The following SPRED1 variants were observed in gnomAD, a reference collection of about 807,000 sequenced individuals.
SPRED1 encodes sprouty related EVH1 domain containing 1.
SPRED1 carries 18 observed loss-of-function variants against 52.3 expected under a neutral mutation model. The ratio of observed to expected loss-of-function variants is 0.34; its 90% CI spans 0.24 to 0.51. SPRED1 has a LOEUF of 0.51. Ranked by LOEUF, SPRED1 falls within the 20% of genes least tolerant of loss-of-function variation. The probability of loss-of-function intolerance (pLI) is 0.97; values close to 1 mark genes in which losing one functional copy is unlikely to be tolerated. For synonymous variants in SPRED1, 155 were observed against 179.7 expected (o/e 0.86, Z 1.10); for missense variants, 485 against 551.0 (o/e 0.88, Z 1.20).
intron 2 of SPRED1, among the ~76,000 whole-genome samples, chr15:38,304,928 A>G (rs1334240412): frequency 6.6e-6 from 1 of 152,078 alleles, no homozygotes; most frequent in African/African-American, 2.4e-5. Flanking sequence ...CAATCTCTCA[A>G]ACAACCCTTT....
At chr15:38,309,315 A>G (rs1419466755) in intron 2 of SPRED1, among the ~76,000 whole-genome samples, 1 of 151,928 alleles carries the variant, frequency 6.6e-6, no homozygotes, top group Non-Finnish European at 1.5e-5. Flanking sequence ...TAATTTTTGT[A>G]TTTTTACTAG....
At chr15:38,266,121 CTG>C (rs1894302040) in intron 1 of SPRED1, among the ~76,000 whole-genome samples, 1 of 152,136 alleles carries the variant, frequency 6.6e-6, no homozygotes, top group South Asian at 2.1e-4. Flanking sequence ...TCTGAAAAAA[CTG>C]TATAATTTGT....
intron 1 of SPRED1, among the ~76,000 whole-genome samples, chr15:38,278,359 T>G (rs1252431532): frequency 6.6e-6 from 1 of 152,180 alleles, no homozygotes; most frequent in Admixed American, 6.5e-5. Context: ...GGTGCGAGCC[T>G]ATAGTCTCAG....
rs754449926 is a variant in SPRED1 at position 38,350,009 on chromosome 15, A to G, written c.684+486A>G. On this transcript the variant is annotated intron_variant, in intron 6 of 6. Transcript: ENST00000299084. Reference sequence around the variant, plus strand: ...TTTGTTCTTTGGCCTCAAAGAACCAACCTTCCCAGAAGGGTTGTGGAAGTA... The same window carrying G: ...TTTGTTCTTTGGCCTCAAAGAACCAGCCTTCCCAGAAGGGTTGTGGAAGTA... Among the ~76,000 whole-genome samples, 7 of 152,192 alleles carry G rather than the reference A, an allele frequency of 4.6e-5. No individual in the cohort carries two copies. In the East Asian group the frequency reaches 1.3e-3, roughly 29 times the overall value.
At chr15:38,266,471 C>T (rs1275096218) in intron 1 of SPRED1, among the ~76,000 whole-genome samples, 2 of 152,018 alleles carry the variant, frequency 1.3e-5, no homozygotes, top group Non-Finnish European at 2.9e-5. Flanking sequence ...AAAACCCTTT[C>T]TCTACTAAAA....
chr15:38,296,773 G>A (rs1400436808), intron 1 of SPRED1, among the ~76,000 whole-genome samples: 1 of 152,146 alleles, frequency 6.6e-6, no homozygotes, highest in Non-Finnish European at 1.5e-5. Context: ...AGTAGTTGCT[G>A]TGGATTTAAT....
At position 38,340,995 on chromosome 15, in the gene SPRED1, AT is replaced by A. The variant is rs36150872; in HGVS notation, c.582+1118del. Reference sequence around the variant, plus strand: ...CCTTAGTGAAGCCACCTGGGCCTGGATTTTTTTTTTTTTTTTTTAGATGGTT... The same window carrying A: ...CCTTAGTGAAGCCACCTGGGCCTGGATTTTTTTTTTTTTTTTTAGATGGTT... On this transcript the variant is annotated intron_variant, in intron 5 of 6. Transcript: ENST00000299084. Among the ~76,000 whole-genome samples the A allele has an allele frequency of 9.6e-4, 123 of 128,286 alleles. 1 individual carries two copies. Among genetic ancestry groups the A allele is most frequent in the African/African-American group, 3.2e-3 (113 of 35,324 alleles). 84.2% of individuals were successfully genotyped at this position (128,286 alleles called of 152,430 possible).
rs1216339144 is a variant in SPRED1 at position 38,353,466 on chromosome 15, A to G, written c.*1802A>G. 2.0e-5 allele frequency: 3 copies of G among 152,546 alleles called. No individual in the cohort carries two copies. Among genetic ancestry groups the G allele is most frequent in the Non-Finnish European group, 4.4e-5 (3 of 67,964 alleles). The allele number at this position is 152,546 out of a possible 1,614,324, so 9.4% of individuals were successfully genotyped here. A position where few individuals can be genotyped will look rare whatever the true frequency, so the allele number is the denominator to read the frequency against. On this transcript the variant is annotated 3_prime_UTR_variant, in exon 7 of 7. Coordinates refer to ENST00000299084, the MANE Select transcript of SPRED1 (RefSeq NM_152594.3). ...ATATTGATAACTATAGATGTTATGA[A>G]GAAGAGGGTATTTCTAGTTTTGTAC...
At chr15:38,314,793 A>C (rs935752683) in intron 2 of SPRED1, among the ~76,000 whole-genome samples, 1 of 151,912 alleles carries the variant, frequency 6.6e-6, no homozygotes, top group African/African-American at 2.4e-5. Flanking sequence ...TGTTAAAATA[A>C]AGTGCCATAA....
intron 1 of SPRED1, among the ~76,000 whole-genome samples, chr15:38,263,648 A>G (rs1346789792): frequency 6.6e-6 from 1 of 152,162 alleles, no homozygotes; most frequent in African/African-American, 2.4e-5. Flanking sequence ...CAAGGATATA[A>G]CCGTTAGGAT....
chr15:38,271,743 A>G (rs1441701682), intron 1 of SPRED1, among the ~76,000 whole-genome samples: 2 of 152,130 alleles, frequency 1.3e-5, no homozygotes, highest in Admixed American at 6.5e-5. Context: ...AATAAAAATT[A>G]TTTCATTAAA....
intron 2 of SPRED1, among the ~76,000 whole-genome samples, chr15:38,308,370 GTA>G (rs1469418558): frequency 1.3e-5 from 2 of 152,076 alleles, no homozygotes; most frequent in African/African-American, 4.8e-5. Context: ...TCAGTTACTT[GTA>G]TTCATTTTTG....
chr15:38,315,660 C>T (rs1895463179), intron 2 of SPRED1, among the ~76,000 whole-genome samples: 1 of 151,822 alleles, frequency 6.6e-6, no homozygotes, highest in African/African-American at 2.4e-5. Flanking sequence ...TTTTTACAGC[C>T]TTTAGAATCC....
At chr15:38,304,863 G>A (rs1157635557) in intron 2 of SPRED1, among the ~76,000 whole-genome samples, 1 of 151,708 alleles carries the variant, frequency 6.6e-6, no homozygotes, top group Non-Finnish European at 1.5e-5. Flanking sequence ...GATTCCTTCT[G>A]GCTTCAGTAT....
intron 5 of SPRED1, among the ~76,000 whole-genome samples, chr15:38,342,643 T>C (rs778290156): frequency 5.9e-5 from 9 of 152,124 alleles, no homozygotes; most frequent in Non-Finnish European, 1.2e-4. Flanking sequence ...TAATTTATTT[T>C]CTTTCATCAA....
chr15:38,329,358 T>C (rs781605635), intron 4 of SPRED1, among the ~76,000 whole-genome samples: 4 of 152,198 alleles, frequency 2.6e-5, no homozygotes, highest in Non-Finnish European at 4.4e-5. Context: ...AAGGCTATGA[T>C]TTATGTTTGT....
intron 5 of SPRED1, among the ~76,000 whole-genome samples, chr15:38,348,211 A>G (rs1353668142): frequency 6.6e-6 from 1 of 151,712 alleles, no homozygotes; most frequent in African/African-American, 2.4e-5. Context: ...TCTTTTTTTC[A>G]CTTGACCAAA....
chr15:38,342,509 AC>A (rs1173734937), intron 5 of SPRED1, among the ~76,000 whole-genome samples: 15 of 152,066 alleles, frequency 9.9e-5, no homozygotes, highest in African/African-American at 3.6e-4. Flanking sequence ...TATGTATTAT[AC>A]TTCCATCTAG....
chr15:38,261,076 A>G (rs765853937), intron 1 of SPRED1, among the ~76,000 whole-genome samples: 5 of 152,248 alleles, frequency 3.3e-5, no homozygotes, highest in African/African-American at 4.8e-5. Flanking sequence ...ATGGATCAAC[A>G]TGAGAAAAGC....
Sources: allele counts gnomAD v4.1 joint callset (sites outside exome capture counted in the v4.1 genomes callset), GRCh38; gene constraint gnomAD v4.1.1; transcripts MANE v1.5; gene names NCBI Gene and HGNC (gene_info 2026-07-23, HGNC 2026-07-21).